The following SLIT1 variants were observed in gnomAD, a reference collection of about 807,000 sequenced individuals.
SLIT1 encodes slit homolog 1 protein.
A neutral mutation model predicts 186.1 loss-of-function variants in SLIT1; 66 were observed. That is an observed-to-expected ratio of 0.35 (90% confidence interval 0.29 to 0.44). SLIT1 has a LOEUF of 0.44. Among genes scored for constraint, SLIT1 ranks in the 20% least tolerant of loss-of-function variants. The probability of loss-of-function intolerance (pLI) is 1.00; values close to 1 mark genes in which losing one functional copy is unlikely to be tolerated. For missense variants in SLIT1, 1,638 were observed against 2,037.4 expected (o/e 0.80, Z 3.77); for synonymous variants, 761 against 833.8 (o/e 0.91, Z 1.50).
intron 4 of SLIT1, among the ~76,000 whole-genome samples, chr10:97,157,126 C>A (rs1195776609): frequency 6.6e-6 from 1 of 152,084 alleles, no homozygotes; most frequent in Non-Finnish European, 1.5e-5. Flanking sequence ...TGGTGAGCTC[C>A]CCATCACTAG....
intron 1 of SLIT1, among the ~76,000 whole-genome samples, chr10:97,166,441 G>A (rs530399858): frequency 3.3e-5 from 5 of 151,314 alleles, no homozygotes; most frequent in Admixed American, 6.6e-5. Context: ...GCTTGAACCC[G>A]GGAGGTGGAG....
chr10:97,018,973 C>T lies in SLIT1; in HGVS notation c.2871+10G>A, dbSNP rs1163430620. 1 of 1,563,208 alleles carries T rather than the reference C, an allele frequency of 6.4e-7. No homozygotes were observed. Among genetic ancestry groups the T allele is most frequent in the Admixed American group, 1.7e-5 (1 of 59,800 alleles). ...AGCCCTCCTCCTCCCCGGCCTCTGC[C>T]TCCACTCACCTTATAGCCGCTGGGG... On this transcript the variant is annotated intron_variant, in intron 27 of 36. Coordinates refer to ENST00000266058, the MANE Select transcript of SLIT1 (RefSeq NM_003061.3).
In SLIT1 at chr10:97,004,937, G is replaced by A. The variant is rs7922903; in HGVS notation, c.3580-114C>T. 4.7e-6 allele frequency: 6 copies of A among 1,272,008 alleles called. No individual in the cohort carries two copies. Among genetic ancestry groups the A allele is most frequent in the East Asian group, 2.4e-5 (1 of 41,448 alleles). The allele number at this position is 1,272,008 out of a possible 1,614,324, so 78.8% of individuals were successfully genotyped here. A position where few individuals can be genotyped will look rare whatever the true frequency, so the allele number is the denominator to read the frequency against. On this transcript the variant is annotated intron_variant, in intron 32 of 36. Coordinates refer to ENST00000266058, the MANE Select transcript of SLIT1 (RefSeq NM_003061.3). This position sits in a 1 kb window ranked among gnomAD's most constrained non-coding sequence, Gnocchi z 5.1. ...GGAAGAGAGATGCTCTGTGCAGAGC[G>A]CTCTTCCCCCACCTGGCCAGCCTCC...
At chr10:97,112,101 T>C (rs1411949606) in intron 4 of SLIT1, among the ~76,000 whole-genome samples, 1 of 152,202 alleles carries the variant, frequency 6.6e-6, no homozygotes, top group Non-Finnish European at 1.5e-5. Context: ...TGTCCAAGGC[T>C]ACACAGGCTG....
intron 4 of SLIT1, among the ~76,000 whole-genome samples, chr10:97,077,426 C>A (rs912641120): frequency 6.6e-6 from 1 of 152,206 alleles, no homozygotes; most frequent in African/African-American, 2.4e-5. Context: ...TGAGCCAGAC[C>A]AGCTGGAGCA....
intron 4 of SLIT1, among the ~76,000 whole-genome samples, chr10:97,138,455 A>G (rs768888496): frequency 6.6e-5 from 10 of 152,224 alleles, no homozygotes; most frequent in Non-Finnish European, 1.2e-4. Context: ...TGTTCAAATG[A>G]CCAGTTGTCC....
At position 97,066,199 on chromosome 10, in the gene SLIT1, C is replaced by A. The variant is rs1352438672; in HGVS notation, c.414-113G>T. On this transcript the variant is annotated intron_variant, in intron 4 of 36. Transcript: ENST00000266058. ...GGTGGGCTGGAGGGCACTGAACCAG[C>A]CACTGCTGCACCCCAGCACCTAGGA... 1.9e-4 allele frequency: 148 copies of A among 781,044 alleles called. 3 individuals carry two copies. In the South Asian group the frequency reaches 2.2e-3, roughly 11 times the overall value. 48.4% of individuals were successfully genotyped at this position (781,044 alleles called of 1,614,324 possible). A position where few individuals can be genotyped will look rare whatever the true frequency, so the allele number is the denominator to read the frequency against.
At chr10:97,059,250 C>T (rs190636465) in intron 11 of SLIT1, among the ~76,000 whole-genome samples, 1 of 152,222 alleles carries the variant, frequency 6.6e-6, no homozygotes, top group Non-Finnish European at 1.5e-5. Flanking sequence ...CCGCTCCCAG[C>T]GTCGGAGGGT....
intron 24 of SLIT1, 46 bp from the exon 25 acceptor site, chr10:97,030,874 G>T: frequency 1.3e-6 from 2 of 1,532,502 alleles, no homozygotes; most frequent in East Asian, 2.3e-5. Context: ...GGACAGAGAT[G>T]GGAGACCTGC....
intron 4 of SLIT1, among the ~76,000 whole-genome samples, chr10:97,126,241 T>C (rs1849602608): frequency 1.3e-5 from 2 of 152,200 alleles, no homozygotes; most frequent in Admixed American, 1.3e-4. Flanking sequence ...GTAGCTGATA[T>C]GAGAGAGGGC....
At chr10:97,031,179 TCACCTTGC>T (rs1848587543) in intron 24 of SLIT1, among the ~76,000 whole-genome samples, 1 of 149,372 alleles carries the variant, frequency 6.7e-6, no homozygotes, top group South Asian at 2.1e-4. Context: ...TGGGAGAATG[TCACCTTGC>T]CCCTGGTGGG....
chr10:97,183,311 C>A (rs1850366852), intron 1 of SLIT1, among the ~76,000 whole-genome samples: 1 of 152,216 alleles, frequency 6.6e-6, no homozygotes, highest in African/African-American at 2.4e-5. Context: ...GCACCCAGGG[C>A]AGTTCCTGGC....
At chr10:97,056,653 C>T (rs1848839577) in intron 12 of SLIT1, among the ~76,000 whole-genome samples, 189 bp from the exon 13 acceptor site, 1 of 152,228 alleles carries the variant, frequency 6.6e-6, no homozygotes, top group South Asian at 2.1e-4. Context: ...CTGCCTCCTC[C>T]ATGCATAGGG....
At position 97,010,139 on chromosome 10, in the gene SLIT1, A is replaced by G. The variant is rs186772152; in HGVS notation, c.3341+854T>C. Among the ~76,000 whole-genome samples the G allele has an allele frequency of 3.3e-5, 5 of 152,374 alleles. No individual in the cohort carries two copies. Among genetic ancestry groups the G allele is most frequent in the Admixed American group, 2.0e-4 (3 of 15,308 alleles). On this transcript the variant is annotated intron_variant, in intron 31 of 36. Coordinates refer to ENST00000266058, the MANE Select transcript of SLIT1 (RefSeq NM_003061.3). The surrounding 1 kb of genome is among the most constrained non-coding windows in gnomAD (Gnocchi z 4.8). ...GATAAGATCAGTCTTCATTATAGCCAAAAAGTGGCAACAACCTAAATGCCT... is the reference window on the plus strand; with the variant it reads ...GATAAGATCAGTCTTCATTATAGCCGAAAAGTGGCAACAACCTAAATGCCT...
At chr10:97,126,951 A>C (rs1849608252) in intron 4 of SLIT1, among the ~76,000 whole-genome samples, 1 of 152,106 alleles carries the variant, frequency 6.6e-6, no homozygotes, top group East Asian at 1.9e-4. Flanking sequence ...TTCCAGATAC[A>C]ACATACGGCC....
In SLIT1 at chr10:97,004,676, G is replaced by C. The variant is rs906080471; in HGVS notation, c.3710+17C>G. ...CCGTACCCCTGAGGGCAGCTGGGGG[G>C]CATAAGGAAGCCCTACCTGTAGATG... On this transcript the variant is annotated intron_variant, in intron 33 of 36. Coordinates refer to ENST00000266058, the MANE Select transcript of SLIT1 (RefSeq NM_003061.3). This position sits in a 1 kb window ranked among gnomAD's most constrained non-coding sequence, Gnocchi z 5.1. 1 of 1,613,936 alleles carries C rather than the reference G, an allele frequency of 6.2e-7. No individual in the cohort carries two copies.
intron 4 of SLIT1, among the ~76,000 whole-genome samples, chr10:97,092,368 G>C (rs1281600174): frequency 6.6e-6 from 1 of 152,242 alleles, no homozygotes; most frequent in African/African-American, 2.4e-5. Context: ...CCAAGCACTT[G>C]CATAGGTTAG....
rs1035990227 is a variant in SLIT1, at chr10:97,035,526, C to T, written c.2367-984G>A. Among the ~76,000 whole-genome samples the T allele has an allele frequency of 1.7e-4, 26 of 152,216 alleles. 1 individual carries two copies. The highest frequency in any genetic ancestry group is 1.4e-3 in the Admixed American group (21 of 15,288). On this transcript the variant is annotated intron_variant, in intron 22 of 36. Coordinates refer to ENST00000266058, the MANE Select transcript of SLIT1 (RefSeq NM_003061.3). ...TGGTGGCCCTGGTCACCTCTCGCAC[C>T]GTGCCCTCCTCCTGAGCCAGCGTCC...
intron 4 of SLIT1, among the ~76,000 whole-genome samples, chr10:97,140,169 C>G (rs1430261478): frequency 6.6e-6 from 1 of 152,054 alleles, no homozygotes; most frequent in African/African-American, 2.4e-5. Context: ...GTCTCCCTGC[C>G]AAGGCGGGTG....
Sources: allele counts gnomAD v4.1 joint callset (sites outside exome capture counted in the v4.1 genomes callset), GRCh38; gene constraint gnomAD v4.1.1; non-coding constraint Gnocchi (gnomAD v3.1); transcripts MANE v1.5; gene names NCBI Gene and HGNC (gene_info 2026-07-23, HGNC 2026-07-21).